The following SIDT1 variants were observed in gnomAD, a reference collection of about 807,000 sequenced individuals.
The protein encoded by SIDT1 is SID1 transmembrane family, member 1.
Under a neutral mutation model 107.5 loss-of-function variants are expected in SIDT1, and 101 were observed. That is an observed-to-expected ratio of 0.94 (90% CI 0.80 to 1.11). SIDT1 has a LOEUF of 1.11. Among genes scored for constraint, SIDT1 ranks in the 50% least tolerant of loss-of-function variants. The pLI is 0.00. For missense variants in SIDT1, 1,076 were observed against 1,058.2 expected (o/e 1.02, Z -0.23); for synonymous variants, 395 against 398.2 (o/e 0.99, Z 0.10).
chr3:113,565,407 C>T (rs1941810456), intron 1 of SIDT1, among the ~76,000 whole-genome samples: 2 of 152,114 alleles, frequency 1.3e-5, no homozygotes, highest in Admixed American at 1.3e-4. Context: ...TGGTGCACAC[C>T]TGTAATCCCA....
intron 4 of SIDT1, 44 bp downstream of exon 4, chr3:113,577,011 G>A (rs370150761): frequency 1.2e-4 from 184 of 1,577,468 alleles, no homozygotes; most frequent in Non-Finnish European, 1.6e-4. Context: ...CTACCTGTTG[G>A]TGTTGCCTGC....
intron 1 of SIDT1, among the ~76,000 whole-genome samples, chr3:113,539,608 T>C (rs1327819885): frequency 3.3e-5 from 5 of 152,234 alleles, no homozygotes; most frequent in African/African-American, 1.2e-4. Context: ...CGGTTTTTAT[T>C]TAACCTCATC....
At chr3:113,582,469 G>C (rs1392061651) in intron 6 of SIDT1, among the ~76,000 whole-genome samples, 1 of 152,160 alleles carries the variant, frequency 6.6e-6, no homozygotes, top group Non-Finnish European at 1.5e-5. Flanking sequence ...TTGTTTTTCA[G>C]TATTTCTTTC....
rs1455313353 is a variant in SIDT1 at position 113,612,191 on chromosome 3, A to G, written c.1963A>G (p.Ile655Val). ...GATATATTATATGGGTCGTTTCAAG[A>G]TAGGTGAGTCACCTGTTAATTCTAT... The part of the protein sequence containing the change: ...TQIYYMGRFK[I>V]DLGIFRRAAM... The change falls in exon 19 of 25, where the codon ATA becomes GTA. Residue 655 changes from isoleucine (I) to valine (V), a missense_variant. By Grantham distance (29) the Ile-to-Val change is conservative. Transcript: ENST00000264852. 6.2e-7 allele frequency: 1 copy of G among 1,605,022 alleles called. No individual in the cohort carries two copies. Among genetic ancestry groups the G allele is most frequent in the Non-Finnish European group, 8.5e-7 (1 of 1,171,846 alleles).
At chr3:113,568,374 C>A (rs1942114508) in intron 3 of SIDT1, among the ~76,000 whole-genome samples, 1 of 151,818 alleles carries the variant, frequency 6.6e-6, no homozygotes, top group South Asian at 2.1e-4. Context: ...GGAGGTGGAT[C>A]ACGAGGTCAG....
chr3:113,586,466 T>C (rs1943753291), intron 9 of SIDT1, among the ~76,000 whole-genome samples: 1 of 152,034 alleles, frequency 6.6e-6, no homozygotes, highest in African/African-American at 2.4e-5. Context: ...GGCTGGTAAA[T>C]ATGGAGGAGT....
intron 1 of SIDT1, among the ~76,000 whole-genome samples, chr3:113,548,664 C>G (rs989927939): frequency 6.6e-6 from 1 of 152,064 alleles, no homozygotes; most frequent in Admixed American, 6.6e-5. Flanking sequence ...AAGTAAGATT[C>G]TCATCATCAA....
At chr3:113,586,254 A>G (rs1012668845) in intron 9 of SIDT1, among the ~76,000 whole-genome samples, 2 of 152,230 alleles carry the variant, frequency 1.3e-5, no homozygotes, top group Non-Finnish European at 2.9e-5. Flanking sequence ...TATTAAGAAT[A>G]ATGAATTATA....
intron 1 of SIDT1, among the ~76,000 whole-genome samples, chr3:113,555,598 A>G (rs1940763707): frequency 6.6e-6 from 1 of 152,214 alleles, no homozygotes; most frequent in East Asian, 1.9e-4. Context: ...CAAAAGGATG[A>G]AGGCTTATAT....
At chr3:113,551,900 T>A (rs1940291736) in intron 1 of SIDT1, among the ~76,000 whole-genome samples, 2 of 151,904 alleles carry the variant, frequency 1.3e-5, no homozygotes, top group South Asian at 4.2e-4. Flanking sequence ...CTTCTTTGTG[T>A]CAGGAACAGG....
Position 113,533,144 on chromosome 3 carries a change from C to A in SIDT1, c.123C>A (p.Asp41Glu). The A allele has an allele frequency of 6.3e-7, 1 of 1,576,170 alleles. No homozygotes were observed. The highest frequency in any genetic ancestry group is 1.2e-5 in the South Asian group (1 of 85,352). The change falls in exon 1 of 25, where the codon GAC (aspartate) becomes GAA (glutamate). Residue 41 changes from aspartate to glutamate, a missense_variant. Transcript: ENST00000264852. ...CGGCACCGCGCCGCGACCCCTTCGA[C>A]GCTGCCAGGGGCGCCGATTTCGATC... is the stretch of plus-strand genomic sequence containing the variant. ...QPPAPRRDPF[D>E]AARGADFDHV... is the part of the protein sequence containing the mutation.
intron 4 of SIDT1, among the ~76,000 whole-genome samples, chr3:113,579,762 G>A (rs930043776): frequency 1.3e-5 from 2 of 152,008 alleles, no homozygotes; most frequent in Non-Finnish European, 2.9e-5. Flanking sequence ...AGCCTGTTTC[G>A]GTTGCTTTTC....
At chr3:113,543,546 G>A (rs1340471712) in intron 1 of SIDT1, among the ~76,000 whole-genome samples, 1 of 152,150 alleles carries the variant, frequency 6.6e-6, no homozygotes, top group Non-Finnish European at 1.5e-5. Context: ...TTCGGGGTTA[G>A]TGGGGATACC....
At chr3:113,626,578 TTCCTCC>T (rs756561839) in intron 24 of SIDT1, among the ~76,000 whole-genome samples, 1 of 151,624 alleles carries the variant, frequency 6.6e-6, no homozygotes, top group East Asian at 1.9e-4. Context: ...CATACTCACA[TTCCTCC>T]TCCTCCTCCT....
intron 18 of SIDT1, among the ~76,000 whole-genome samples, chr3:113,611,476 C>T (rs575750146): frequency 1.6e-4 from 24 of 152,258 alleles, no homozygotes; most frequent in African/African-American, 5.3e-4. Context: ...GGACTACAGG[C>T]GCCCACCACC....
rs11288702 is a variant in SIDT1 at position 113,535,280 on chromosome 3, G to GT, written c.222+2048dup. On this transcript the variant is annotated intron_variant, in intron 1 of 24. Transcript: ENST00000264852. Reference sequence around the variant, plus strand: ...GAGTGATACCCTGTTTTTTCAAAATGTTTTTTTTTTTAAAGAAAAGAGAGG... The same window carrying GT: ...GAGTGATACCCTGTTTTTTCAAAATGTTTTTTTTTTTTAAAGAAAAGAGAGG... 9.6e-3 allele frequency among the ~76,000 whole-genome samples: 1,433 copies of GT among 148,764 alleles called. 17 individuals are homozygous for GT. The highest frequency in any genetic ancestry group is 0.065 in the East Asian group (331 of 5,100).
chr3:113,551,172 C>T (rs1012390491), intron 1 of SIDT1, among the ~76,000 whole-genome samples: 4 of 152,130 alleles, frequency 2.6e-5, no homozygotes, highest in African/African-American at 9.7e-5. Flanking sequence ...CATTGATTGA[C>T]ATTTAGGTTG....
chr3:113,577,541 C>G (rs1435183056), intron 4 of SIDT1, among the ~76,000 whole-genome samples: 1 of 152,210 alleles, frequency 6.6e-6, no homozygotes, highest in Non-Finnish European at 1.5e-5. Flanking sequence ...GTGTTGTGCT[C>G]TCCATTAAAC....
At position 113,556,654 on chromosome 3, in the gene SIDT1, CA is replaced by C. The variant is rs1382567017; in HGVS notation, c.223-9764del. On this transcript the variant is annotated intron_variant, in intron 1 of 24. Coordinates refer to ENST00000264852, the MANE Select transcript of SIDT1 (RefSeq NM_017699.3). ...TTTCCTGGGCTCAGCCAAGGGAACACAAGGGGAAGGCTTTGATAGGGTGAAA... is the reference window on the plus strand; with the variant it reads ...TTTCCTGGGCTCAGCCAAGGGAACACAGGGGAAGGCTTTGATAGGGTGAAA... Among the ~76,000 whole-genome samples, 4 of 151,910 alleles carry C rather than the reference CA, an allele frequency of 2.6e-5. No individual in the cohort carries two copies. The East Asian group carries it at 5.8e-4, about 22-fold the overall frequency.
Sources: allele counts gnomAD v4.1 joint callset (sites outside exome capture counted in the v4.1 genomes callset), GRCh38; gene constraint gnomAD v4.1.1; transcripts MANE v1.5; gene names NCBI Gene and HGNC (gene_info 2026-07-23, HGNC 2026-07-21).